The following CAMKK2 variants were observed in gnomAD, a reference collection of about 807,000 sequenced individuals.
CAMKK2 encodes the protein calcium/calmodulin-dependent protein kinase kinase 2.
Under a neutral mutation model 67.2 loss-of-function variants are expected in CAMKK2, and 30 were observed. The observed-to-expected ratio is 0.45, with a 90% CI of 0.33 to 0.61. The LOEUF (loss-of-function observed/expected upper bound fraction) is 0.61, where lower values mean the gene tolerates loss of function less well. Ranked by LOEUF, CAMKK2 falls within the 20% of genes least tolerant of loss-of-function variation. CAMKK2 has a pLI of 0.02. For missense variants in CAMKK2, 643 were observed against 802.0 expected (o/e 0.80, Z 2.39); for synonymous variants, 322 against 326.2 (o/e 0.99, Z 0.14).
rs202190716 is a variant in CAMKK2, at chr12:121,255,624, A to T, written c.833T>A (p.Val278Glu). The change falls in exon 9 of 17, where the codon GTG becomes GAG. Residue 278 changes from valine (V) to glutamate (E), a missense_variant. Around this residue, in one of 3 missense-constraint regions of CAMKK2, gnomAD observed 483 missense variants for 625.8 expected, o/e 0.77. Transcript: ENST00000404169. ...TTCAGAGAGTGGTTTGAGGGTGGGC[A>T]CTTCCATCACGGGCCTGAAAGGTCG... Reference protein sequence around the residue: ...ELVNQGPVMEVPTLKPLSEDQ... With the variant: ...ELVNQGPVMEEPTLKPLSEDQ... 2 of 1,612,878 alleles carry T rather than the reference A, an allele frequency of 1.2e-6. No individual in the cohort carries two copies. The highest frequency in any genetic ancestry group is 1.7e-6 in the Non-Finnish European group (2 of 1,179,638).
chr12:121,256,071 C>A (rs919697969), intron 7 of CAMKK2, among the ~76,000 whole-genome samples: 3 of 152,178 alleles, frequency 2.0e-5, no homozygotes, highest in African/African-American at 7.2e-5. Context: ...CCAGGATCCA[C>A]TGGTCAAAGA....
chr12:121,250,578 C>T (rs1890500334), intron 11 of CAMKK2, among the ~76,000 whole-genome samples: 1 of 152,138 alleles, frequency 6.6e-6, no homozygotes, highest in Non-Finnish European at 1.5e-5. Flanking sequence ...GGAGGACTTC[C>T]TGAAGCCCTG....
Position 121,263,791 on chromosome 12 carries a change from C to T in CAMKK2, c.759+15G>A. On this transcript the variant is annotated intron_variant, in intron 6 of 16. Coordinates refer to ENST00000404169, the MANE Select transcript of CAMKK2 (RefSeq NM_001270485.2). ...CCAGGGCCTCCCTCCCTCCTGGGCG[C>T]CTCCACCCTTTTACCTCCACCAGCT... The T allele has an allele frequency of 6.3e-7, 1 of 1,596,548 alleles. No individual in the cohort carries two copies. Among genetic ancestry groups the T allele is most frequent in the Non-Finnish European group, 8.6e-7 (1 of 1,168,078 alleles).
chr12:121,289,919 C>T (rs35025598), intron 1 of CAMKK2, among the ~76,000 whole-genome samples: 96 of 97,786 alleles, frequency 9.8e-4, no homozygotes, highest in Non-Finnish European at 1.4e-3. Flanking sequence ...AAAGGCGGGG[C>T]GGGGAGCCAA....
At position 121,240,749 on chromosome 12, in the gene CAMKK2, G is replaced by T; in HGVS notation, c.1717C>A (p.Pro573Thr). The T allele has an allele frequency of 1.2e-6, 2 of 1,608,988 alleles. No homozygotes were observed. The highest frequency in any genetic ancestry group is 1.1e-5 in the South Asian group (1 of 90,776). The change falls in exon 17 of 17, where the codon CCC (proline) becomes ACC (threonine). Residue 573 changes from proline to threonine, a missense_variant. By Grantham distance (38) the Pro-to-Thr change is conservative. Transcript: ENST00000404169. The surrounding 1 kb of genome is among the most constrained non-coding windows in gnomAD (Gnocchi z 4.4). ...GGCCGCAGTGGATGCATGCGTGCGG[G>T]GGAGCCGGGGGCGGGGGCCCAGCAA... Reference protein sequence around the residue: ...ESCWAPAPGSPARMHPLRPEE... With the variant: ...ESCWAPAPGSTARMHPLRPEE...
At chr12:121,292,481 T>TA (rs1330347419) in intron 1 of CAMKK2, among the ~76,000 whole-genome samples, 131 of 152,248 alleles carry the variant, frequency 8.6e-4, no homozygotes, top group African/African-American at 3.1e-3. Flanking sequence ...AACAGGTCAG[T>TA]AAGGCAACAA....
chr12:121,273,114 T>C (rs764930164), intron 2 of CAMKK2, among the ~76,000 whole-genome samples: 13 of 152,136 alleles, frequency 8.5e-5, no homozygotes, highest in Non-Finnish European at 1.8e-4. Flanking sequence ...AATCAGATGC[T>C]GATTAACGTT....
chr12:121,287,633 T>C (rs902590826), intron 1 of CAMKK2, among the ~76,000 whole-genome samples: 1 of 152,168 alleles, frequency 6.6e-6, no homozygotes, highest in Admixed American at 6.5e-5. Flanking sequence ...TAATGAAATA[T>C]CACTGAAAGA....
At position 121,274,255 on chromosome 12, in the gene CAMKK2, C is replaced by T. The variant is rs745434921; in HGVS notation, c.272G>A (p.Arg91Gln). Residue 91 changes from arginine to glutamine, a missense_variant, in exon 2 of 17, where the codon CGG becomes CAG. Arg to Gln is a conservative substitution (Grantham distance 43, BLOSUM62 1). Transcript: ENST00000404169. Reference sequence around the variant, plus strand: ...CAGCTTGCGACCGGAGAGGTGGGGCCGGGCCTGGGACCCGGAGGTGTCAAG... The same window carrying T: ...CAGCTTGCGACCGGAGAGGTGGGGCTGGGCCTGGGACCCGGAGGTGTCAAG... ...VPLDTSGSQARPHLSGRKLSL... is the reference protein window; with the variant it reads ...VPLDTSGSQAQPHLSGRKLSL... 5 of 1,610,840 alleles carry T rather than the reference C, an allele frequency of 3.1e-6. No homozygotes were observed. The highest frequency in any genetic ancestry group is 1.3e-5 in the African/African-American group (1 of 74,866).
At chr12:121,243,208 T>C (rs1355554659) in intron 16 of CAMKK2, among the ~76,000 whole-genome samples, 1 of 151,650 alleles carries the variant, frequency 6.6e-6, no homozygotes. Flanking sequence ...AATATTTGTA[T>C]TTTTAGTAGA....
At chr12:121,281,719 G>A (rs1429405588) in intron 1 of CAMKK2, among the ~76,000 whole-genome samples, 1 of 152,178 alleles carries the variant, frequency 6.6e-6, no homozygotes, top group African/African-American at 2.4e-5. Flanking sequence ...AGGCCGAGAC[G>A]GGTGGATCAC....
chr12:121,240,028 G>A lies in CAMKK2; in HGVS notation c.*671C>T, dbSNP rs200616821. ...GAAATGTTTCCCCACCACAGCTGCT[G>A]AATACCCTTCCAGGCTTGGAAAATC... is the stretch of plus-strand genomic sequence containing the variant. On this transcript the variant is annotated 3_prime_UTR_variant, in exon 17 of 17. Coordinates refer to ENST00000404169, the MANE Select transcript of CAMKK2 (RefSeq NM_001270485.2). The surrounding 1 kb of genome is among the most constrained non-coding windows in gnomAD (Gnocchi z 4.4). The A allele has an allele frequency of 2.2e-4, 38 of 170,110 alleles. 2 individuals carry two copies. In the South Asian group the frequency reaches 5.2e-3, roughly 23 times the overall value. 10.5% of individuals were successfully genotyped at this position (170,110 alleles called of 1,614,324 possible). A position where few individuals can be genotyped will look rare whatever the true frequency, so the allele number is the denominator to read the frequency against.
In CAMKK2 at chr12:121,256,718, T is replaced by C. The variant is rs575004389; in HGVS notation, c.797-914A>G. On this transcript the variant is annotated intron_variant, in intron 7 of 16. Transcript: ENST00000404169. ...GCACGTTTTTAAGGTTCATCCACAC[T>C]GGTGCATGGATCAGTGCTTCATTCC... Among the ~76,000 whole-genome samples, 10 of 152,354 alleles carry C rather than the reference T, an allele frequency of 6.6e-5. No homozygotes were observed. In the East Asian group the frequency reaches 1.5e-3, roughly 23 times the overall value.
rs2668246 is a variant in CAMKK2 at position 121,245,691 on chromosome 12, A to C, written c.1453-451T>G. On this transcript the variant is annotated intron_variant, in intron 14 of 16. Coordinates refer to ENST00000404169, the MANE Select transcript of CAMKK2 (RefSeq NM_001270485.2). The surrounding 1 kb of genome is among the most constrained non-coding windows in gnomAD (Gnocchi z 5.8). Reference sequence around the variant, plus strand: ...CATTTCCCATGAAGGGAATGGCCTGAGGGCCCCATAAGAGTCACTGGGCCC... The same window carrying C: ...CATTTCCCATGAAGGGAATGGCCTGCGGGCCCCATAAGAGTCACTGGGCCC... Among the ~76,000 whole-genome samples the C allele has an allele frequency of 0.055, 8,325 of 152,290 alleles. 252 individuals are homozygous for C. Among genetic ancestry groups the C allele is most frequent in the South Asian group, 0.12 (567 of 4,826 alleles).
intron 6 of CAMKK2, among the ~76,000 whole-genome samples, chr12:121,263,118 C>T (rs1893808401): frequency 2.6e-5 from 4 of 152,036 alleles, no homozygotes; most frequent in African/African-American, 7.2e-5. Context: ...TACAGGCACC[C>T]GCCACCACGC....
At chr12:121,260,236 G>A (rs959425413) in intron 7 of CAMKK2, 83 bp downstream of exon 7, 6 of 1,215,884 alleles carry the variant, frequency 4.9e-6, no homozygotes, top group East Asian at 2.6e-5. Flanking sequence ...AGGTGCCAGG[G>A]CACAGGCTGC....
intron 1 of CAMKK2, among the ~76,000 whole-genome samples, chr12:121,274,963 G>C (rs890555656): frequency 2.0e-5 from 3 of 151,502 alleles, no homozygotes; most frequent in Non-Finnish European, 4.4e-5. Context: ...CACATACCAT[G>C]ACAATAATTC....
chr12:121,264,842 G>A (rs901931066), intron 5 of CAMKK2, among the ~76,000 whole-genome samples: 5 of 151,068 alleles, frequency 3.3e-5, no homozygotes, highest in African/African-American at 7.3e-5. Flanking sequence ...ATGGTGGCAC[G>A]TGCCTGTGGT....
chr12:121,279,644 C>G lies in CAMKK2; in HGVS notation c.-59-5059G>C, dbSNP rs755095672. Among the ~76,000 whole-genome samples, 21 of 152,178 alleles carry G rather than the reference C, an allele frequency of 1.4e-4. 1 individual carries two copies. Among genetic ancestry groups the G allele is most frequent in the Non-Finnish European group, 8.8e-5 (6 of 68,028 alleles). On this transcript the variant is annotated intron_variant, in intron 1 of 16. Coordinates refer to ENST00000404169, the MANE Select transcript of CAMKK2 (RefSeq NM_001270485.2). ...CAGAGGGCGGAGCGTGAGAGGAGGA[C>G]TTTTTTGCAAAGTTGCTTGGATTTG...
Sources: allele counts gnomAD v4.1 joint callset (sites outside exome capture counted in the v4.1 genomes callset), GRCh38; gene constraint gnomAD v4.1.1; regional missense constraint gnomAD v4.1.1; non-coding constraint Gnocchi (gnomAD v3.1); transcripts MANE v1.5; gene names NCBI Gene and HGNC (gene_info 2026-07-23, HGNC 2026-07-21).